RBMS3: variants seen among roughly 807,000 people sequenced by gnomAD.
RBMS3 encodes the protein RNA-binding motif, single-stranded-interacting protein 3.
In RBMS3, 27 loss-of-function variants were observed where a neutral mutation model predicts 66.8. The observed-to-expected ratio is 0.40, with a 90% CI of 0.30 to 0.56. The LOEUF (loss-of-function observed/expected upper bound fraction) is 0.56. Ranked by LOEUF, RBMS3 falls within the 20% of genes least tolerant of loss-of-function variation. The probability of loss-of-function intolerance (pLI) is 0.40; values close to 1 mark genes in which losing one functional copy is unlikely to be tolerated. For missense variants in RBMS3, 513 were observed against 549.5 expected (o/e 0.93, Z 0.66); for synonymous variants, 188 against 183.0 (o/e 1.03, Z -0.22).
chr3:29,810,159 G>A (rs956805230), intron 6 of RBMS3, among the ~76,000 whole-genome samples: 1 of 151,948 alleles, frequency 6.6e-6, no homozygotes, highest in Middle Eastern at 3.2e-3. Context: ...TTGACACAAT[G>A]TTTCCTTTAA....
intron 12 of RBMS3, among the ~76,000 whole-genome samples, chr3:29,983,963 C>G (rs1156838910): frequency 2.0e-5 from 3 of 152,096 alleles, no homozygotes; most frequent in South Asian, 2.1e-4. Flanking sequence ...GCCTGTCTTG[C>G]TAGGTTGGGG....
At chr3:29,417,873 A>G (rs1311315734) in intron 1 of RBMS3, among the ~76,000 whole-genome samples, 1 of 152,190 alleles carries the variant, frequency 6.6e-6, no homozygotes, top group Non-Finnish European at 1.5e-5. Flanking sequence ...TCTATCGTTT[A>G]TCAATACTCT....
intron 1 of RBMS3, among the ~76,000 whole-genome samples, chr3:29,336,521 A>G (rs1559497813): frequency 6.6e-6 from 1 of 152,132 alleles, no homozygotes; most frequent in Non-Finnish European, 1.5e-5. Context: ...AAAGATACTG[A>G]TGGCAATGAC....
At chr3:29,333,244 C>T (rs944111919) in intron 1 of RBMS3, among the ~76,000 whole-genome samples, 1 of 152,098 alleles carries the variant, frequency 6.6e-6, no homozygotes, top group Non-Finnish European at 1.5e-5. Flanking sequence ...TTGTGTATTT[C>T]TTTCATGGCA....
At chr3:29,606,564 G>T (rs1049740276) in intron 4 of RBMS3, among the ~76,000 whole-genome samples, 3 of 151,884 alleles carry the variant, frequency 2.0e-5, no homozygotes, top group Non-Finnish European at 4.4e-5. Flanking sequence ...TCCATGAGAA[G>T]CTGTCATGTC....
intron 1 of RBMS3, among the ~76,000 whole-genome samples, chr3:29,286,390 C>T (rs1304568865): frequency 6.6e-6 from 1 of 151,712 alleles, no homozygotes; most frequent in Non-Finnish European, 1.5e-5. Flanking sequence ...ATGATATAGA[C>T]ATTGTTTTTG....
chr3:29,946,806 G>A (rs960240703), intron 12 of RBMS3, among the ~76,000 whole-genome samples: 2 of 151,572 alleles, frequency 1.3e-5, no homozygotes, highest in South Asian at 4.1e-4. Context: ...GAATTTTGAG[G>A]GGTAGTAGTG....
chr3:29,871,253 G>T (rs2059484796), intron 7 of RBMS3, among the ~76,000 whole-genome samples: 1 of 152,106 alleles, frequency 6.6e-6, no homozygotes, highest in Admixed American at 6.6e-5. Context: ...AAGATAATAT[G>T]CATTTTCTCC....
chr3:29,813,852 T>G (rs1350896446), intron 6 of RBMS3, among the ~76,000 whole-genome samples: 5 of 152,184 alleles, frequency 3.3e-5, no homozygotes, highest in African/African-American at 9.7e-5. Flanking sequence ...CTTTGCTGAA[T>G]TTGCTTATCC....
intron 6 of RBMS3, among the ~76,000 whole-genome samples, chr3:29,848,498 A>G (rs2058846542): frequency 6.6e-6 from 1 of 152,198 alleles, no homozygotes; most frequent in Non-Finnish European, 1.5e-5. Flanking sequence ...GAATCCAACA[A>G]AAAAGTCCAG....
chr3:29,946,030 G>A (rs1180913816), intron 12 of RBMS3, among the ~76,000 whole-genome samples: 5 of 151,692 alleles, frequency 3.3e-5, no homozygotes, highest in African/African-American at 1.2e-4. Context: ...TGAAGGAAGG[G>A]ACCCAATATA....
intron 2 of RBMS3, among the ~76,000 whole-genome samples, chr3:29,442,041 T>C (rs1319906081): frequency 6.6e-6 from 1 of 152,200 alleles, no homozygotes; most frequent in Admixed American, 6.5e-5. Context: ...CCTCTAGAAG[T>C]GTTTTCAAGG....
intron 5 of RBMS3, among the ~76,000 whole-genome samples, chr3:29,744,071 C>A (rs2054763744): frequency 6.6e-6 from 1 of 151,910 alleles, no homozygotes; most frequent in Non-Finnish European, 1.5e-5. Flanking sequence ...GATATGGGAA[C>A]CACCCTTTGA....
chr3:29,390,831 A>C (rs567420891), intron 1 of RBMS3: 1 of 155,660 alleles, frequency 6.4e-6, no homozygotes, highest in East Asian at 1.6e-4. Flanking sequence ...ATTGGGATTC[A>C]CCCGTAACTC....
chr3:29,384,564 A>G (rs906847363), intron 1 of RBMS3, among the ~76,000 whole-genome samples: 1 of 152,190 alleles, frequency 6.6e-6, no homozygotes, highest in African/African-American at 2.4e-5. Context: ...TTTCTGGTAT[A>G]AAACTTTTTA....
At chr3:29,815,572 G>C (rs949659815) in intron 6 of RBMS3, among the ~76,000 whole-genome samples, 4 of 151,860 alleles carry the variant, frequency 2.6e-5, no homozygotes, top group Admixed American at 1.3e-4. Context: ...AAGAAAATGT[G>C]GTATATATAC....
chr3:29,307,877 A>G (rs889296708), intron 1 of RBMS3, among the ~76,000 whole-genome samples: 2 of 151,944 alleles, frequency 1.3e-5, no homozygotes, highest in Admixed American at 6.6e-5. Flanking sequence ...TTCATCTAAG[A>G]TATTTAATAG....
intron 10 of RBMS3, among the ~76,000 whole-genome samples, chr3:29,909,541 AGGAGT>A (rs1368926234): frequency 6.6e-6 from 1 of 152,132 alleles, no homozygotes; most frequent in Non-Finnish European, 1.5e-5. Flanking sequence ...TCCTAAGCAC[AGGAGT>A]GTCTAGGGGC....
At chr3:29,580,613 G>T (rs929318157) in intron 3 of RBMS3, among the ~76,000 whole-genome samples, 2 of 150,198 alleles carry the variant, frequency 1.3e-5, no homozygotes, top group East Asian at 3.9e-4. Context: ...CCATGTTAGA[G>T]TTTTTTTTTC....
Sources: gnomAD v4.1 joint callset for allele counts (sites outside exome capture counted in the v4.1 genomes callset) on GRCh38, gnomAD v4.1.1 for gene constraint, MANE v1.5 for transcripts, NCBI Gene and HGNC (gene_info 2026-07-23, HGNC 2026-07-21) for gene names.